The following FRMD5 variants were observed in gnomAD, a reference collection of about 807,000 sequenced individuals.
The protein encoded by FRMD5 is FERM domain containing 5.
Under a neutral mutation model 69.0 loss-of-function variants are expected in FRMD5, and 20 were observed. The observed-to-expected ratio is 0.29, with a 90% CI of 0.20 to 0.42. FRMD5 has a LOEUF of 0.42. Ranked by LOEUF, FRMD5 falls within the 10% of genes least tolerant of loss-of-function variation. The pLI is 1.00. For synonymous variants in FRMD5, 271 were observed against 260.1 expected (o/e 1.04, Z -0.40); for missense variants, 595 against 708.6 (o/e 0.84, Z 1.82).
intron 4 of FRMD5, 139 bp downstream of exon 4, chr15:43,919,320 A>G (rs2089451423): frequency 8.7e-6 from 7 of 808,098 alleles, no homozygotes; most frequent in African/African-American, 1.7e-5. Flanking sequence ...AATGAAATAC[A>G]GAAGTCATTA....
intron 1 of FRMD5, among the ~76,000 whole-genome samples, chr15:44,072,784 TA>T (rs950867498): frequency 6.7e-4 from 101 of 150,874 alleles, no homozygotes; most frequent in African/African-American, 2.2e-3. Flanking sequence ...GCGCTAGCAA[TA>T]AAAAAAAACA....
chr15:43,911,558 G>A lies in FRMD5; in HGVS notation c.330-1579C>T, dbSNP rs1413819622. On this transcript the variant is annotated intron_variant, in intron 4 of 13. Coordinates refer to ENST00000417257, the MANE Select transcript of FRMD5 (RefSeq NM_032892.5). Reference sequence around the variant, plus strand: ...TCACTGCAGCCCCAGCCAACCTCCTGACTGCAACCTCGTGATTGACCCTGA... The same window carrying A: ...TCACTGCAGCCCCAGCCAACCTCCTAACTGCAACCTCGTGATTGACCCTGA... Among the ~76,000 whole-genome samples, 6 of 152,296 alleles carry A rather than the reference G, an allele frequency of 3.9e-5. No individual in the cohort carries two copies. The East Asian group carries it at 5.8e-4, about 15-fold the overall frequency.
chr15:43,897,992 C>A (rs2088956029), intron 7 of FRMD5, among the ~76,000 whole-genome samples: 1 of 152,208 alleles, frequency 6.6e-6, no homozygotes, highest in Non-Finnish European at 1.5e-5. Flanking sequence ...TTCCTGAGGC[C>A]TCCCTAGCCA....
At chr15:43,885,620 G>T in intron 11 of FRMD5, 61 bp downstream of exon 11, 1 of 1,393,482 alleles carries the variant, frequency 7.2e-7, no homozygotes, top group South Asian at 1.2e-5. Flanking sequence ...AAGGACCACT[G>T]AGTTCTCCAG....
Position 43,902,221 on chromosome 15 carries a change from T to G in FRMD5, c.593A>C (p.Lys198Thr). 1 of 1,614,180 alleles carries G rather than the reference T, an allele frequency of 6.2e-7. No homozygotes were observed. Among genetic ancestry groups the G allele is most frequent in the Non-Finnish European group, 8.5e-7 (1 of 1,180,004 alleles). Residue 198 changes from lysine (K) to threonine (T), a missense_variant, in exon 7 of 14, where the codon AAA becomes ACA. By Grantham distance (78) the Lys-to-Thr change is moderately conservative. This residue lies in a region of FRMD5 where 176 missense variants were observed against 266.3 expected (regional missense o/e 0.66). Coordinates refer to ENST00000417257, the MANE Select transcript of FRMD5 (RefSeq NM_032892.5). ...TCCATATGTTTCCAATGTCTGTGCT[T>G]TTCTTAAGAAGTTCAGCTCTGATGT... is the stretch of plus-strand genomic sequence containing the variant. ...PATSELNFLRKAQTLETYGVD... is the reference protein window; with the variant it reads ...PATSELNFLRTAQTLETYGVD...
chr15:44,067,771 G>A (rs929231350), intron 1 of FRMD5, among the ~76,000 whole-genome samples: 15 of 151,986 alleles, frequency 9.9e-5, no homozygotes, highest in Admixed American at 5.2e-4. Flanking sequence ...GACCATAGCA[G>A]ACACTACCAA....
intron 7 of FRMD5, among the ~76,000 whole-genome samples, chr15:43,901,513 G>C: frequency 6.6e-6 from 1 of 152,126 alleles, no homozygotes; most frequent in East Asian, 1.9e-4. Flanking sequence ...GAGAAACTGA[G>C]GTAGAGACCA....
rs561120979 is a variant in FRMD5, at chr15:44,056,745, C to G, written c.103-132436G>C. Among the ~76,000 whole-genome samples, 9 of 152,256 alleles carry G rather than the reference C, an allele frequency of 5.9e-5. No individual in the cohort carries two copies. In the East Asian group the frequency reaches 1.7e-3, roughly 29 times the overall value. ...AGAAACCTAGGCTAGGAAGGGCACT[C>G]TCTTGGCAAGTGTGTCAGACGCCTC... On this transcript the variant is annotated intron_variant, in intron 1 of 13. Transcript: ENST00000417257.
At chr15:43,963,203 T>G (rs1595565161) in intron 1 of FRMD5, among the ~76,000 whole-genome samples, 1 of 152,100 alleles carries the variant, frequency 6.6e-6, no homozygotes, top group Non-Finnish European at 1.5e-5. Flanking sequence ...CTCAAACAAA[T>G]TTACAAGAAT....
At chr15:43,945,722 T>C (rs749944080) in intron 1 of FRMD5, among the ~76,000 whole-genome samples, 32 of 152,226 alleles carry the variant, frequency 2.1e-4, no homozygotes, top group Non-Finnish European at 3.8e-4. Context: ...GGAGGGCACA[T>C]TGCACCATAG....
chr15:43,984,585 T>C (rs1450269746), intron 1 of FRMD5, among the ~76,000 whole-genome samples: 1 of 152,224 alleles, frequency 6.6e-6, no homozygotes, highest in Non-Finnish European at 1.5e-5. Flanking sequence ...TCAGATATTA[T>C]TGCACAGATT....
chr15:44,099,082 T>A (rs1024404410), intron 1 of FRMD5, among the ~76,000 whole-genome samples: 2 of 152,230 alleles, frequency 1.3e-5, no homozygotes, highest in Non-Finnish European at 2.9e-5. Context: ...GGTTTCTGCA[T>A]GGAAGCCAAT....
At chr15:44,027,005 CAAG>C (rs926183806) in intron 1 of FRMD5, among the ~76,000 whole-genome samples, 5 of 152,106 alleles carry the variant, frequency 3.3e-5, no homozygotes, top group African/African-American at 9.7e-5. Flanking sequence ...TAAAAAATAG[CAAG>C]AAGAATCTGT....
chr15:44,136,447 G>A (rs1224878878), intron 1 of FRMD5, among the ~76,000 whole-genome samples: 1 of 152,118 alleles, frequency 6.6e-6, no homozygotes, highest in Non-Finnish European at 1.5e-5. Context: ...TTCTGGAGAA[G>A]GACTTTATTT....
intron 1 of FRMD5, among the ~76,000 whole-genome samples, chr15:44,098,655 T>G (rs1361439428): frequency 1.3e-5 from 2 of 152,170 alleles, no homozygotes; most frequent in Non-Finnish European, 2.9e-5. Context: ...AATGTACCAT[T>G]TCCTCACCAA....
At chr15:43,951,575 T>C (rs115782822) in intron 1 of FRMD5, among the ~76,000 whole-genome samples, 2,347 of 152,294 alleles carry the variant, frequency 0.015, 22 homozygotes, top group Middle Eastern at 0.058. Flanking sequence ...CAGATTATGC[T>C]CTGGATAATT....
intron 1 of FRMD5, among the ~76,000 whole-genome samples, chr15:43,941,444 T>C (rs2089862018): frequency 6.6e-6 from 1 of 152,194 alleles, no homozygotes; most frequent in South Asian, 2.1e-4. Context: ...TAAAGCAAGT[T>C]TTAGATGCTC....
At chr15:44,055,418 A>G (rs1159469754) in intron 1 of FRMD5, among the ~76,000 whole-genome samples, 1 of 152,190 alleles carries the variant, frequency 6.6e-6, no homozygotes, top group African/African-American at 2.4e-5. Flanking sequence ...CAACTACTAA[A>G]GTGCTTTTAT....
chr15:44,027,496 A>G (rs1891479427), intron 1 of FRMD5, among the ~76,000 whole-genome samples: 1 of 152,166 alleles, frequency 6.6e-6, no homozygotes, highest in African/African-American at 2.4e-5. Context: ...GTTTGGATTC[A>G]GGTCAGGGGC....
Sources: gnomAD v4.1 joint callset for allele counts (sites outside exome capture counted in the v4.1 genomes callset) on GRCh38, gnomAD v4.1.1 for gene constraint, gnomAD v4.1.1 regional missense constraint, MANE v1.5 for transcripts, NCBI Gene and HGNC (gene_info 2026-07-23, HGNC 2026-07-21) for gene names.